The following ZBTB41 variants were observed in gnomAD, a reference collection of about 807,000 sequenced individuals.
The protein encoded by ZBTB41 is zinc finger and BTB domain containing 41, also known as zinc finger and BTB domain-containing protein 41.
In ZBTB41, 42 loss-of-function variants were observed where a neutral mutation model predicts 87.6. The observed-to-expected ratio is 0.48, with a 90% CI of 0.37 to 0.62. The LOEUF (loss-of-function observed/expected upper bound fraction) is 0.62, where lower values mean the gene tolerates loss of function less well. ZBTB41 is among the 20% of genes least tolerant of loss of function. The pLI is 0.00. For missense variants in ZBTB41, 799 were observed against 1,078.9 expected, an observed-to-expected ratio of 0.74 and a Z score of 3.63; for synonymous variants, 364 against 364.0, an observed-to-expected ratio of 1.00 and a Z score of 0.00.
In ZBTB41 at chr1:197,158,995, G is replaced by A. The variant is rs1422394906; in HGVS notation, c.*364C>T. On this transcript the variant is annotated 3_prime_UTR_variant, in exon 11 of 11. Transcript: ENST00000367405. ...TGGTCCTCAAACTTGTTTGTAAGAA[G>A]GGCTAGGAAGAAGAAGGAGAGGAAT... The A allele has an allele frequency of 2.9e-5, 6 of 205,940 alleles. No homozygotes were observed. The highest frequency in any genetic ancestry group is 2.9e-5 in the Non-Finnish European group (3 of 102,214). 12.8% of individuals were successfully genotyped at this position (205,940 alleles called of 1,614,324 possible).
chr1:197,189,152 G>A (rs1259341234), intron 4 of ZBTB41, among the ~76,000 whole-genome samples: 3 of 152,138 alleles, frequency 2.0e-5, no homozygotes, highest in African/African-American at 7.2e-5. Context: ...CAGAGAAATT[G>A]TGAGAAATTT....
Position 197,154,556 on chromosome 1 carries a change from T to C in ZBTB41, c.*4803A>G, listed in dbSNP as rs1469063360. 6.6e-6 allele frequency: 1 copy of C among 152,008 alleles called. No individual in the cohort carries two copies. Among genetic ancestry groups the C allele is most frequent in the African/African-American group, 2.4e-5 (1 of 41,432 alleles). 9.4% of individuals were successfully genotyped at this position (152,008 alleles called of 1,614,324 possible). ...TCATCTTCCACACATCTTAATCCTA[T>C]TACATCTATCTTATTAATGCTACTT... On this transcript the variant is annotated 3_prime_UTR_variant, in exon 11 of 11. Transcript: ENST00000367405.
chr1:197,178,737 G>A (rs1226967513), intron 6 of ZBTB41, among the ~76,000 whole-genome samples: 1 of 152,000 alleles, frequency 6.6e-6, no homozygotes, highest in East Asian at 1.9e-4. Context: ...TTTGCCATTG[G>A]TTTGCTCAGA....
intron 10 of ZBTB41, among the ~76,000 whole-genome samples, chr1:197,164,397 C>T (rs1659267222): frequency 6.6e-6 from 1 of 151,738 alleles, no homozygotes; most frequent in South Asian, 2.1e-4. Flanking sequence ...CATGATGATA[C>T]ATTCAAGCCC....
intron 10 of ZBTB41, among the ~76,000 whole-genome samples, chr1:197,162,647 T>A (rs1408384576): frequency 6.6e-6 from 1 of 152,132 alleles, no homozygotes; most frequent in Non-Finnish European, 1.5e-5. Flanking sequence ...ATAAAAGATT[T>A]TTAAAAAATA....
In ZBTB41 at chr1:197,159,304, C is replaced by G; in HGVS notation, c.*55G>C. 1 of 1,538,880 alleles carries G rather than the reference C, an allele frequency of 6.5e-7. No homozygotes were observed. The highest frequency in any genetic ancestry group is 1.7e-4 in the Middle Eastern group (1 of 5,784). On this transcript the variant is annotated 3_prime_UTR_variant, in exon 11 of 11. Transcript: ENST00000367405. ...GCAGCCCCACAAATTTAAAAGCTATCATCTCTACCATTAGCATATAACCAT... is the reference window on the plus strand; with the variant it reads ...GCAGCCCCACAAATTTAAAAGCTATGATCTCTACCATTAGCATATAACCAT...
At chr1:197,188,855 G>T (rs1020398117) in intron 4 of ZBTB41, among the ~76,000 whole-genome samples, 1 of 152,128 alleles carries the variant, frequency 6.6e-6, no homozygotes, top group Non-Finnish European at 1.5e-5. Flanking sequence ...TCTTGAAGTG[G>T]TCAGTCTAAA....
intron 5 of ZBTB41, among the ~76,000 whole-genome samples, chr1:197,187,435 T>C (rs1449662235): frequency 6.6e-6 from 1 of 152,192 alleles, no homozygotes; most frequent in Non-Finnish European, 1.5e-5. Context: ...CAGTCCGTTA[T>C]CTAAAGTGGT....
At chr1:197,172,876 T>A (rs1413397272) in intron 9 of ZBTB41, among the ~76,000 whole-genome samples, 1 of 152,106 alleles carries the variant, frequency 6.6e-6, no homozygotes, top group African/African-American at 2.4e-5. Flanking sequence ...AAAAAAATTA[T>A]AAATTTGAAC....
chr1:197,186,442 A>G (rs1288493273), intron 5 of ZBTB41, among the ~76,000 whole-genome samples: 3 of 152,242 alleles, frequency 2.0e-5, no homozygotes, highest in Non-Finnish European at 4.4e-5. Context: ...TTCCTCTGTC[A>G]CAGAAACTGT....
chr1:197,191,813 T>G lies in ZBTB41; in HGVS notation c.1207A>C (p.Asn403His), dbSNP rs1216118890. Residue 403 changes from asparagine to histidine, a missense_variant, in exon 3 of 11, where the codon AAC becomes CAC. This residue lies in a region of ZBTB41 where 294 missense variants were observed against 340.1 expected (regional missense o/e 0.86). Transcript: ENST00000367405. Reference sequence around the variant, plus strand: ...TGCTTCTTTCTGTGAACAGTTAGGTTAGACTTTGTTGAATAGCGCTGGTGA... The same window carrying G: ...TGCTTCTTTCTGTGAACAGTTAGGTGAGACTTTGTTGAATAGCGCTGGTGA... ...ICHQRYSTKS[N>H]LTVHRKKHSN... 1 of 1,613,838 alleles carries G rather than the reference T, an allele frequency of 6.2e-7. No homozygotes were observed. The highest frequency in any genetic ancestry group is 8.5e-7 in the Non-Finnish European group (1 of 1,179,922).
chr1:197,180,862 T>C (rs1394335857), intron 6 of ZBTB41, 126 bp downstream of exon 6: 2 of 1,091,086 alleles, frequency 1.8e-6, no homozygotes, highest in African/African-American at 3.3e-5. Flanking sequence ...TTTCCTTATA[T>C]TTCAAACTAA....
At chr1:197,185,603 A>C (rs1464004785) in intron 5 of ZBTB41, among the ~76,000 whole-genome samples, 5 of 151,730 alleles carry the variant, frequency 3.3e-5, no homozygotes, top group Middle Eastern at 3.2e-3. Context: ...AAAAAAAAAA[A>C]CAAACCAAAA....
At chr1:197,196,428 C>A (rs994751119) in intron 2 of ZBTB41, among the ~76,000 whole-genome samples, 1 of 152,070 alleles carries the variant, frequency 6.6e-6, no homozygotes, top group Non-Finnish European at 1.5e-5. Context: ...ATTCTACATC[C>A]CACTCCCAAC....
intron 9 of ZBTB41, among the ~76,000 whole-genome samples, chr1:197,172,790 A>G (rs1260591084): frequency 6.6e-6 from 1 of 152,124 alleles, no homozygotes; most frequent in African/African-American, 2.4e-5. Flanking sequence ...CAGGCTGATT[A>G]AAAAGAATCT....
chr1:197,191,681 A>C lies in ZBTB41; in HGVS notation c.1328+11T>G. ...CAATAAAGTATATTATGGAAGCAAG[A>C]TAATACTTGCCTCTTAACATGCTTG... On this transcript the variant is annotated intron_variant, in intron 3 of 10. Coordinates refer to ENST00000367405, the MANE Select transcript of ZBTB41 (RefSeq NM_194314.3). 2 of 1,605,134 alleles carry C rather than the reference A, an allele frequency of 1.2e-6. No homozygotes were observed. Among genetic ancestry groups the C allele is most frequent in the South Asian group, 1.1e-5 (1 of 89,672 alleles).
intron 10 of ZBTB41, among the ~76,000 whole-genome samples, chr1:197,163,252 T>C (rs994429392): frequency 6.6e-6 from 1 of 152,170 alleles, no homozygotes; most frequent in Admixed American, 6.6e-5. Flanking sequence ...TTCAAGGGCT[T>C]CTGTAATTTT....
Position 197,191,770 on chromosome 1 carries a change from A to G in ZBTB41, c.1250T>C (p.Phe417Ser), listed in dbSNP as rs763633218. 1 of 1,613,778 alleles carries G rather than the reference A, an allele frequency of 6.2e-7. No individual in the cohort carries two copies. The highest frequency in any genetic ancestry group is 8.5e-7 in the Non-Finnish European group (1 of 1,179,870). ...AGGGCACTTGTGCTCCTTCTTATGA[A>G]ATTCTGTTTCATTACTGTGCTTCTT... Reference protein sequence around the residue: ...HRKKHSNETEFHKKEHKCPYC... With the variant: ...HRKKHSNETESHKKEHKCPYC... The change falls in exon 3 of 11, where the codon TTT (phenylalanine) becomes TCT (serine). Residue 417 changes from phenylalanine (F) to serine (S), a missense_variant. Transcript: ENST00000367405.
intron 10 of ZBTB41, among the ~76,000 whole-genome samples, chr1:197,168,066 G>T (rs1416219133): frequency 1.3e-5 from 2 of 151,866 alleles, no homozygotes; most frequent in African/African-American, 4.8e-5. Flanking sequence ...AATTTAGCAA[G>T]GTCACTGGAT....
Sources: gnomAD v4.1 joint callset for allele counts (sites outside exome capture counted in the v4.1 genomes callset) on GRCh38, gnomAD v4.1.1 for gene constraint, gnomAD v4.1.1 regional missense constraint, MANE v1.5 for transcripts, NCBI Gene and HGNC (gene_info 2026-07-23, HGNC 2026-07-21) for gene names.